Variants in DCP1B observed in about 807,000 individuals in gnomAD.
The protein encoded by DCP1B is mRNA-decapping enzyme 1B.
DCP1B carries 47 observed loss-of-function variants against 60.5 expected under a neutral mutation model. That is an observed-to-expected ratio of 0.78 (90% CI 0.61 to 0.99). The LOEUF (loss-of-function observed/expected upper bound fraction) is 0.99, where lower values mean the gene tolerates loss of function less well. Among genes scored for constraint, DCP1B ranks in the 50% least tolerant of loss-of-function variants. The pLI, the probability that DCP1B is intolerant of heterozygous loss-of-function variation, is 0.00. For missense variants in DCP1B, 725 were observed against 756.8 expected, an observed-to-expected ratio of 0.96 and a Z score of 0.49; for synonymous variants, 267 against 280.3, an observed-to-expected ratio of 0.95 and a Z score of 0.47.
chr12:1,959,455 G>T (rs1272902621), intron 5 of DCP1B, among the ~76,000 whole-genome samples: 1 of 152,156 alleles, frequency 6.6e-6, no homozygotes, highest in Non-Finnish European at 1.5e-5. Context: ...TTCAAAAGAA[G>T]ACATACATGT....
chr12:2,004,072 T>C (rs1206516621), intron 1 of DCP1B: 6 of 671,650 alleles, frequency 8.9e-6, no homozygotes, highest in Non-Finnish European at 2.5e-6. Context: ...TTAAGTCTTT[T>C]CCCCAACTCC....
At chr12:1,955,405 G>A (rs990644139) in intron 6 of DCP1B, 27 bp downstream of exon 6, 1 of 1,605,480 alleles carries the variant, frequency 6.2e-7, no homozygotes, top group Non-Finnish European at 8.5e-7. Context: ...GAGACACACT[G>A]AATATGACAA....
intron 1 of DCP1B, among the ~76,000 whole-genome samples, chr12:1,998,318 C>G (rs537924581): frequency 1.8e-4 from 28 of 152,292 alleles, no homozygotes; most frequent in African/African-American, 6.5e-4. Context: ...GCCTTTTTCT[C>G]CTTCCACCAC....
At position 1,952,532 on chromosome 12, in the gene DCP1B, G is replaced by A. The variant is rs768820815; in HGVS notation, c.1408C>T (p.Arg470Trp). 5.1e-5 allele frequency: 83 copies of A among 1,614,026 alleles called. No homozygotes were observed. Among genetic ancestry groups the A allele is most frequent in the Admixed American group, 2.5e-4 (15 of 59,996 alleles). ...QQEQQLHASN[R>W]PALAAKFPVL... ...GGAAACTTAGCGGCCAAGGCTGGCC[G>A]GTTAGAGGCATGCAGCTGCTGCTCC... The change falls in exon 7 of 9, where the codon CGG (arginine) becomes TGG (tryptophan). Residue 470 changes from arginine (R) to tryptophan (W), a missense_variant. Arg to Trp is a moderately radical substitution (Grantham distance 101). Transcript: ENST00000280665.
chr12:1,981,783 A>G (rs2036210019), intron 3 of DCP1B, among the ~76,000 whole-genome samples: 1 of 152,226 alleles, frequency 6.6e-6, no homozygotes. Context: ...AAAAACATCC[A>G]GGGAGGTAAA....
At chr12:1,991,586 T>C (rs1354524883) in intron 3 of DCP1B, 1 of 239,108 alleles carries the variant, frequency 4.2e-6, no homozygotes, top group African/African-American at 2.3e-5. Flanking sequence ...TGGTGCCTGT[T>C]GGACACTCAC....
chr12:1,963,404 T>C (rs998850580), intron 5 of DCP1B, among the ~76,000 whole-genome samples: 1 of 152,234 alleles, frequency 6.6e-6, no homozygotes, highest in African/African-American at 2.4e-5. Flanking sequence ...TGAGATATAG[T>C]CCCTTTAGGG....
chr12:1,999,528 C>G (rs1405781752), intron 1 of DCP1B, among the ~76,000 whole-genome samples: 1 of 152,126 alleles, frequency 6.6e-6, no homozygotes, highest in East Asian at 1.9e-4. Flanking sequence ...TGAGACCAGC[C>G]TGGGCAACAT....
At chr12:1,996,122 T>C (rs1432782070) in intron 2 of DCP1B, among the ~76,000 whole-genome samples, 1 of 152,208 alleles carries the variant, frequency 6.6e-6, no homozygotes, top group African/African-American at 2.4e-5. Context: ...ACTCTCATCA[T>C]TTCATATCTA....
rs1461724636 is a variant in DCP1B at position 1,948,752 on chromosome 12, C to T, written c.1773+334G>A. On this transcript the variant is annotated intron_variant, in intron 8 of 8. Coordinates refer to ENST00000280665, the MANE Select transcript of DCP1B (RefSeq NM_152640.5). The surrounding 1 kb of genome is among the most constrained non-coding windows in gnomAD (Gnocchi z 4.8). ...CCTCTACCTCCCAATGGTGAGTTTT[C>T]TGTCTGGGCCTCCAGCACCCAGGGT... Among the ~76,000 whole-genome samples, 2 of 152,188 alleles carry T rather than the reference C, an allele frequency of 1.3e-5. No individual in the cohort carries two copies. The highest frequency in any genetic ancestry group is 1.3e-4 in the Admixed American group (2 of 15,284).
chr12:1,941,885 C>T (rs534343497), downstream of DCP1B, among the ~76,000 whole-genome samples: 14 of 152,234 alleles, frequency 9.2e-5, no homozygotes, highest in East Asian at 1.5e-3. Context: ...CATCAACTAA[C>T]GGGCAAAATA....
chr12:1,952,491 G>A lies in DCP1B; in HGVS notation c.1449C>T (p.Ser483=), dbSNP rs762471489. 6.2e-7 allele frequency: 1 copy of A among 1,614,076 alleles called. No individual in the cohort carries two copies. Residue 483 remains serine, a synonymous_variant, in exon 7 of 9, where the codon AGC becomes AGT. Transcript: ENST00000280665. ...ATTCCAAGGGTTTCCCTGTTCCAGA[G>A]CTCTGAGCGAGCACAGGAAACTTAG... ...LAAKFPVLAQ[S]SGTGKPLESW... is the part of the protein sequence containing the mutation.
chr12:1,963,078 G>A (rs909635151), intron 5 of DCP1B, among the ~76,000 whole-genome samples: 2 of 152,154 alleles, frequency 1.3e-5, no homozygotes, highest in Non-Finnish European at 2.9e-5. Flanking sequence ...TGAGATTCAG[G>A]ATCAACTCTT....
chr12:1,978,993 G>C (rs1241319452), intron 3 of DCP1B, among the ~76,000 whole-genome samples: 4 of 152,134 alleles, frequency 2.6e-5, no homozygotes, highest in African/African-American at 9.7e-5. Context: ...AAACTGCTTT[G>C]AGCATTTGTG....
In DCP1B at chr12:1,998,485, T is replaced by C. The variant is rs181800014; in HGVS notation, c.151-510A>G. 5.3e-5 allele frequency among the ~76,000 whole-genome samples: 8 copies of C among 152,322 alleles called. No homozygotes were observed. In the East Asian group the frequency reaches 1.5e-3, roughly 29 times the overall value. On this transcript the variant is annotated intron_variant, in intron 1 of 8. Transcript: ENST00000280665. ...TTTGACTGCTAGACAGAGAGGGCAA[T>C]GATGCCACAGAGTTCTCAGATGAAT... is the stretch of plus-strand genomic sequence containing the variant.
intron 6 of DCP1B, 93 bp downstream of exon 6, chr12:1,955,339 A>G: frequency 1.4e-6 from 2 of 1,395,422 alleles, no homozygotes; most frequent in Non-Finnish European, 9.5e-7. Context: ...GCATTCTTCA[A>G]CAACACCAGG....
chr12:2,003,198 G>T (rs1233007800), intron 1 of DCP1B, among the ~76,000 whole-genome samples: 1 of 152,044 alleles, frequency 6.6e-6, no homozygotes, highest in African/African-American at 2.4e-5. Context: ...TTTTACTACA[G>T]GCTGCTGAAC....
chr12:2,004,390 G>A lies in DCP1B; in HGVS notation c.42C>T (p.Arg14=). 6.2e-7 allele frequency: 1 copy of A among 1,612,520 alleles called. No homozygotes were observed. The highest frequency in any genetic ancestry group is 8.5e-7 in the Non-Finnish European group (1 of 1,179,720). Residue 14 remains arginine, a synonymous_variant, in exon 1 of 9, where the codon CGC becomes CGT. Transcript: ENST00000280665. ...GCTGCAGGGCCGCTAGGCTGATGTC[G>A]CGCCCCTTTCCCACCAGGCCGCCTG... ...VAAGGLVGKG[R]DISLAALQRH...
chr12:1,943,424 C>G (rs57550449), downstream of DCP1B, among the ~76,000 whole-genome samples: 222 of 152,316 alleles, frequency 1.5e-3, 1 homozygote, highest in African/African-American at 5.1e-3. Context: ...AGACTCCTCC[C>G]TAACTCATTT....
Sources: gnomAD v4.1 joint callset for allele counts (sites outside exome capture counted in the v4.1 genomes callset) on GRCh38, gnomAD v4.1.1 for gene constraint, Gnocchi (gnomAD v3.1) non-coding constraint, MANE v1.5 for transcripts, NCBI Gene and HGNC (gene_info 2026-07-23, HGNC 2026-07-21) for gene names.